The following NFE2L2 variants were observed in gnomAD, a reference collection of about 807,000 sequenced individuals.
NFE2L2 encodes nuclear factor erythroid 2-related factor 2.
NFE2L2 carries 20 observed loss-of-function variants against 49.6 expected under a neutral mutation model. The ratio of observed to expected loss-of-function variants is 0.40; its 90% CI spans 0.28 to 0.59. NFE2L2 has a LOEUF of 0.59. Ranked by LOEUF, NFE2L2 falls within the 20% of genes least tolerant of loss-of-function variation. NFE2L2 has a pLI of 0.40. For missense variants in NFE2L2, 578 were observed against 714.2 expected (o/e 0.81, Z 2.17); for synonymous variants, 244 against 256.5 (o/e 0.95, Z 0.47).
chr2:177,232,890 A>C, intron 3 of NFE2L2: 1 of 461,834 alleles, frequency 2.2e-6, no homozygotes, highest in Non-Finnish European at 3.8e-6. Context: ...ATTTATTAAA[A>C]TTGTTAACTG....
At chr2:177,259,860 A>G (rs965543855) in intron 1 of NFE2L2, among the ~76,000 whole-genome samples, 1 of 152,002 alleles carries the variant, frequency 6.6e-6, no homozygotes, top group Non-Finnish European at 1.5e-5. Context: ...TGAACCCGGG[A>G]GGTGGAGCTT....
At chr2:177,232,731 A>T (rs746061801) in intron 3 of NFE2L2, 148 bp from the exon 4 acceptor site, 3 of 747,266 alleles carry the variant, frequency 4.0e-6, no homozygotes, top group Non-Finnish European at 6.3e-6. Flanking sequence ...GTAAATAACA[A>T]ATCTTTTTTT....
chr2:177,231,857 G>C lies in NFE2L2; in HGVS notation c.746C>G (p.Ala249Gly). 6.2e-7 allele frequency: 1 copy of C among 1,614,188 alleles called. No homozygotes were observed. Among genetic ancestry groups the C allele is most frequent in the Non-Finnish European group, 8.5e-7 (1 of 1,180,010 alleles). ...VGNCSPHFLN[A>G]FEDSFSSILS... ...GATGCTGCTGAAGGAATCCTCAAAA[G>C]CATTAAGAAAATGTGGACTACAGTT... is the stretch of plus-strand genomic sequence containing the variant. Residue 249 changes from alanine (A) to glycine (G), a missense_variant, in exon 5 of 5, where the codon GCT becomes GGT. Around this residue, in one of 3 missense-constraint regions of NFE2L2, gnomAD observed 368 missense variants for 384.6 expected, o/e 0.96. Transcript: ENST00000397062.
intron 1 of NFE2L2, among the ~76,000 whole-genome samples, chr2:177,239,752 AG>A: frequency 6.6e-6 from 1 of 152,344 alleles, no homozygotes; most frequent in African/African-American, 2.4e-5. Context: ...GCTTCATAAA[AG>A]AAAAAAGCTA....
Position 177,233,245 on chromosome 2 carries a change from C to A in NFE2L2, c.402+5G>T. On this transcript the variant is annotated splice_donor_5th_base_variant and intron_variant, in intron 3 of 4. Transcript: ENST00000397062. ...TTCTATTAACCAGGTTATTTTATACCTCACCTCATTGTCATCTACAAACGG... is the reference window on the plus strand; with the variant it reads ...TTCTATTAACCAGGTTATTTTATACATCACCTCATTGTCATCTACAAACGG... 1 of 1,581,512 alleles carries A rather than the reference C, an allele frequency of 6.3e-7. No homozygotes were observed. The highest frequency in any genetic ancestry group is 8.6e-7 in the Non-Finnish European group (1 of 1,169,580).
Position 177,231,250 on chromosome 2 carries a change from C to G in NFE2L2, c.1353G>C (p.Glu451Asp). The change falls in exon 5 of 5, where the codon GAG becomes GAC. Residue 451 changes from glutamate to aspartate, a missense_variant. Physicochemically the swap from Glu to Asp is conservative, Grantham distance 45. This residue lies in a region of NFE2L2 where 368 missense variants were observed against 384.6 expected (regional missense o/e 0.96). Transcript: ENST00000397062. ...FTKDKHSSRL[E>D]AHLTRDELRA... is the part of the protein sequence containing the mutation. ...TAAGTTCATCTCTTGTGAGATGAGC[C>G]TCCAAGCGGCTTGAATGTTTGTCTT... is the stretch of plus-strand genomic sequence containing the variant. 6.2e-7 allele frequency: 1 copy of G among 1,614,208 alleles called. No homozygotes were observed. Among genetic ancestry groups the G allele is most frequent in the Non-Finnish European group, 8.5e-7 (1 of 1,180,054 alleles).
chr2:177,257,899 C>G (rs570450472), intron 1 of NFE2L2, among the ~76,000 whole-genome samples: 2 of 152,332 alleles, frequency 1.3e-5, no homozygotes, highest in South Asian at 4.1e-4. Context: ...CATCCTCTAC[C>G]TCCTTCTATG....
chr2:177,263,269 A>T (rs1373023236), intron 1 of NFE2L2: 3 of 736,600 alleles, frequency 4.1e-6, no homozygotes, highest in Non-Finnish European at 5.0e-6. Context: ...GGAACATGTT[A>T]AGAAATTGAG....
intron 1 of NFE2L2, among the ~76,000 whole-genome samples, chr2:177,236,070 G>A (rs1194160773): frequency 6.6e-6 from 1 of 152,252 alleles, no homozygotes. Context: ...GGACTTGAAG[G>A]CCAGTGGGTA....
intron 1 of NFE2L2, among the ~76,000 whole-genome samples, chr2:177,235,716 A>G (rs1345891047): frequency 6.6e-6 from 1 of 151,936 alleles, no homozygotes; most frequent in Non-Finnish European, 1.5e-5. Flanking sequence ...AGTCCCAACT[A>G]TTAGGGAGAC....
At chr2:177,245,402 C>T (rs888915961) in intron 1 of NFE2L2, among the ~76,000 whole-genome samples, 1 of 152,136 alleles carries the variant, frequency 6.6e-6, no homozygotes, top group African/African-American at 2.4e-5. Context: ...ACAACTCTTG[C>T]CAAGTTATTT....
intron 1 of NFE2L2, among the ~76,000 whole-genome samples, chr2:177,251,747 T>C (rs1690347000): frequency 6.6e-6 from 1 of 152,180 alleles, no homozygotes; most frequent in East Asian, 1.9e-4. Context: ...GGCTCATGCC[T>C]GTAATCCCAG....
At chr2:177,253,847 G>A (rs1316920821) in intron 1 of NFE2L2, among the ~76,000 whole-genome samples, 3 of 152,220 alleles carry the variant, frequency 2.0e-5, no homozygotes, top group Non-Finnish European at 4.4e-5. Context: ...GAACAAATGT[G>A]ATAATATCTT....
At chr2:177,235,457 A>G (rs1439029376) in intron 1 of NFE2L2, among the ~76,000 whole-genome samples, 3 of 151,966 alleles carry the variant, frequency 2.0e-5, no homozygotes, top group African/African-American at 7.3e-5. Context: ...AAATAAATAA[A>G]TAAAACTATG....
chr2:177,255,426 A>T (rs1690481679), intron 1 of NFE2L2, among the ~76,000 whole-genome samples: 1 of 152,142 alleles, frequency 6.6e-6, no homozygotes, highest in African/African-American at 2.4e-5. Context: ...TACAACCTGC[A>T]CCCACAGGAT....
chr2:177,262,105 T>C (rs1328096079), intron 1 of NFE2L2, among the ~76,000 whole-genome samples: 2 of 152,234 alleles, frequency 1.3e-5, no homozygotes, highest in Admixed American at 1.3e-4. Context: ...CGTAAAAGAC[T>C]GATGTGAGTT....
chr2:177,254,178 G>C (rs560650581), intron 1 of NFE2L2, among the ~76,000 whole-genome samples: 1 of 152,138 alleles, frequency 6.6e-6, no homozygotes, highest in Non-Finnish European at 1.5e-5. Context: ...CTGTAGGTCC[G>C]AGAAATGGCC....
intron 1 of NFE2L2, among the ~76,000 whole-genome samples, chr2:177,244,163 T>C (rs1558985494): frequency 6.6e-6 from 1 of 151,754 alleles, no homozygotes; most frequent in Non-Finnish European, 1.5e-5. Context: ...TAGCCAGGCA[T>C]GGTGGCGGGT....
intron 1 of NFE2L2, among the ~76,000 whole-genome samples, chr2:177,254,069 C>T (rs1051223148): frequency 2.6e-5 from 4 of 152,138 alleles, no homozygotes; most frequent in African/African-American, 9.7e-5. Flanking sequence ...GGTGGCTAAG[C>T]CCCAGAGAGA....
Sources: gnomAD v4.1 joint callset for allele counts (sites outside exome capture counted in the v4.1 genomes callset) on GRCh38, gnomAD v4.1.1 for gene constraint, gnomAD v4.1.1 regional missense constraint, MANE v1.5 for transcripts, NCBI Gene and HGNC (gene_info 2026-07-23, HGNC 2026-07-21) for gene names.